The following DLG2 variants were observed in gnomAD, a reference collection of about 807,000 sequenced individuals.
DLG2 encodes the protein discs large MAGUK scaffold protein 2, also known as disks large homolog 2.
Under a neutral mutation model 132.5 loss-of-function variants are expected in DLG2, and 45 were observed. The observed-to-expected ratio is 0.34, with a 90% confidence interval of 0.27 to 0.44. The LOEUF (loss-of-function observed/expected upper bound fraction) is 0.44, where lower values mean the gene tolerates loss of function less well. DLG2 is among the 20% of genes least tolerant of loss of function. The pLI is 1.00. For synonymous variants in DLG2, 424 were observed against 419.6 expected (o/e 1.01, Z -0.13); for missense variants, 1,045 against 1,196.9 (o/e 0.87, Z 1.87).
At chr11:83,475,445 T>C (rs1012063542) in intron 22 of DLG2, among the ~76,000 whole-genome samples, 2 of 152,040 alleles carry the variant, frequency 1.3e-5, no homozygotes, top group South Asian at 2.1e-4. Flanking sequence ...GAGATGTTAA[T>C]GAGCCCTGAT....
At chr11:83,746,817 A>G (rs992487781) in intron 18 of DLG2, among the ~76,000 whole-genome samples, 8 of 152,222 alleles carry the variant, frequency 5.3e-5, no homozygotes, top group African/African-American at 9.6e-5. Context: ...ATTAGGTGAC[A>G]TATTACTAAG....
chr11:83,804,022 A>G (rs2045238878), intron 17 of DLG2, among the ~76,000 whole-genome samples: 1 of 152,148 alleles, frequency 6.6e-6, no homozygotes. Flanking sequence ...GCCCATAATT[A>G]CATCTTAGTA....
In DLG2 at chr11:85,533,905, T is replaced by G. The variant is rs556801106; in HGVS notation, c.40+64752A>C. 2.0e-5 allele frequency among the ~76,000 whole-genome samples: 3 copies of G among 152,364 alleles called. No individual in the cohort carries two copies. In the South Asian group the frequency reaches 6.2e-4, roughly 32 times the overall value. On this transcript the variant is annotated intron_variant, in intron 3 of 27. Coordinates refer to ENST00000376104, the MANE Select transcript of DLG2 (RefSeq NM_001142699.3). ...GCTAAGAAGGCTGTTTACAAATGTT[T>G]AAATTCCATTTAAGGAAAACTCTAG...
intron 3 of DLG2, among the ~76,000 whole-genome samples, chr11:85,350,525 G>A (rs1565362501): frequency 1.3e-5 from 2 of 152,084 alleles, no homozygotes; most frequent in Admixed American, 1.3e-4. Context: ...TTTCTTCTAG[G>A]GTTTTTATGG....
chr11:84,542,049 C>T (rs500394), intron 6 of DLG2, among the ~76,000 whole-genome samples: 60,005 of 151,688 alleles, frequency 0.4, 12,289 homozygotes, highest in South Asian at 0.54. Context: ...GTTTCATAAA[C>T]AAAAATCTGA....
intron 6 of DLG2, among the ~76,000 whole-genome samples, chr11:84,962,305 A>G (rs2154109548): frequency 6.6e-6 from 1 of 152,336 alleles, no homozygotes; most frequent in South Asian, 2.1e-4. Flanking sequence ...GGACTCTTCT[A>G]TTGCCATGAG....
intron 7 of DLG2, among the ~76,000 whole-genome samples, chr11:84,519,904 TTTTTGTGGGTATAG>T (rs1459870466): frequency 2.6e-5 from 4 of 152,212 alleles, no homozygotes; most frequent in East Asian, 1.9e-4. Context: ...TTATGCAATA[TTTTTGTGGGTATAG>T]TTTTGTGGGT....
At chr11:85,448,267 G>A (rs1212192109) in intron 3 of DLG2, among the ~76,000 whole-genome samples, 3 of 152,096 alleles carry the variant, frequency 2.0e-5, no homozygotes, top group Non-Finnish European at 4.4e-5. Flanking sequence ...ACAACATTAA[G>A]TTTACCATTT....
intron 6 of DLG2, among the ~76,000 whole-genome samples, chr11:84,599,730 G>A (rs1004694678): frequency 1.3e-5 from 2 of 151,954 alleles, no homozygotes; most frequent in African/African-American, 4.8e-5. Flanking sequence ...TATACATTCC[G>A]TAATTAGAAA....
intron 6 of DLG2, among the ~76,000 whole-genome samples, chr11:85,073,450 G>A (rs1160804365): frequency 1.3e-5 from 2 of 151,780 alleles, no homozygotes; most frequent in South Asian, 2.1e-4. Flanking sequence ...TATCAGGATT[G>A]CGTAAGTAAA....
intron 6 of DLG2, among the ~76,000 whole-genome samples, chr11:84,869,325 C>T (rs189818223): frequency 1.3e-5 from 2 of 152,274 alleles, no homozygotes; most frequent in East Asian, 1.9e-4. Flanking sequence ...TCAGATGCAA[C>T]AGGCGGTACC....
intron 7 of DLG2, among the ~76,000 whole-genome samples, chr11:84,373,280 A>C (rs1226599): frequency 1.0e-4 from 15 of 147,218 alleles, no homozygotes; most frequent in African/African-American, 2.8e-4. Flanking sequence ...CAAAAAAAAA[A>C]CCCACCAGGC....
intron 6 of DLG2, among the ~76,000 whole-genome samples, chr11:84,788,615 T>TATTAA (rs1207597159): frequency 6.6e-6 from 1 of 152,110 alleles, no homozygotes; most frequent in African/African-American, 2.4e-5. Context: ...TGTGTATATT[T>TATTAA]ATTATAAATA....
chr11:83,579,816 A>G (rs1169832702), intron 19 of DLG2, among the ~76,000 whole-genome samples: 1 of 151,970 alleles, frequency 6.6e-6, no homozygotes, highest in East Asian at 1.9e-4. Flanking sequence ...TAAAAATACA[A>G]AAAATGAGCC....
intron 8 of DLG2, among the ~76,000 whole-genome samples, chr11:84,217,237 C>T (rs770130744): frequency 1.3e-5 from 2 of 152,162 alleles, no homozygotes; most frequent in African/African-American, 4.8e-5. Context: ...GCTGTGTCCC[C>T]ACCCAAATCT....
intron 18 of DLG2, among the ~76,000 whole-genome samples, chr11:83,699,545 GAAA>G: frequency 8.2e-6 from 1 of 121,908 alleles, no homozygotes; most frequent in South Asian, 2.9e-4. Flanking sequence ...AAATACAAAA[GAAA>G]AAAAAAAAAA....
chr11:85,460,004 G>A (rs999407379), intron 3 of DLG2, among the ~76,000 whole-genome samples: 2 of 152,150 alleles, frequency 1.3e-5, no homozygotes, highest in Admixed American at 6.5e-5. Flanking sequence ...ATATTGGCAG[G>A]GGCTGACAGA....
intron 19 of DLG2, among the ~76,000 whole-genome samples, chr11:83,597,620 A>AC (rs146666018): frequency 0.081 from 9,679 of 119,376 alleles, 402 homozygotes; most frequent in South Asian, 0.15. Context: ...CCCCATCTCT[A>AC]CCCCAAAAAA....
At chr11:83,634,567 T>C (rs1018202492) in intron 18 of DLG2, among the ~76,000 whole-genome samples, 1 of 152,148 alleles carries the variant, frequency 6.6e-6, no homozygotes, top group African/African-American at 2.4e-5. Context: ...AGTATATCAG[T>C]ATATTTCAGA....
Sources: allele counts gnomAD v4.1 joint callset (sites outside exome capture counted in the v4.1 genomes callset), GRCh38; gene constraint gnomAD v4.1.1; transcripts MANE v1.5; gene names NCBI Gene and HGNC (gene_info 2026-07-23, HGNC 2026-07-21).